The following OPN5 variants were observed in gnomAD, a reference collection of about 807,000 sequenced individuals.
OPN5 encodes opsin 5, also known as opsin-5.
OPN5 carries 18 observed loss-of-function variants against 41.7 expected under a neutral mutation model. That is an observed-to-expected ratio of 0.43 (90% CI 0.30 to 0.64). The LOEUF (loss-of-function observed/expected upper bound fraction) is 0.64, where lower values mean the gene tolerates loss of function less well. Among genes scored for constraint, OPN5 ranks in the 30% least tolerant of loss-of-function variants. The pLI is 0.13. For synonymous variants in OPN5, 178 were observed against 164.3 expected (o/e 1.08, Z -0.64); for missense variants, 318 against 434.5 (o/e 0.73, Z 2.38).
chr6:47,808,687 A>G (rs1774073496), intron 5 of OPN5, among the ~76,000 whole-genome samples: 1 of 152,202 alleles, frequency 6.6e-6, no homozygotes, highest in Admixed American at 6.5e-5. Context: ...TGGCTCGTAC[A>G]TTGCATATCT....
intron 4 of OPN5, among the ~76,000 whole-genome samples, chr6:47,804,347 G>T (rs369194806): frequency 3.9e-5 from 6 of 152,248 alleles, no homozygotes; most frequent in African/African-American, 1.4e-4. Context: ...AAGTTGATGG[G>T]TACAGGAGCC....
At chr6:47,804,147 T>C (rs1484546538) in intron 4 of OPN5, among the ~76,000 whole-genome samples, 1 of 152,180 alleles carries the variant, frequency 6.6e-6, no homozygotes. Flanking sequence ...TGGTCCTCTG[T>C]AGCATGATGT....
At chr6:47,823,061 A>G (rs2114019344) in intron 6 of OPN5, among the ~76,000 whole-genome samples, 1 of 152,340 alleles carries the variant, frequency 6.6e-6, no homozygotes, top group South Asian at 2.1e-4. Context: ...CTTGTTGAAA[A>G]GAACATAGCT....
chr6:47,822,707 A>G (rs915878109), intron 6 of OPN5, among the ~76,000 whole-genome samples: 1 of 152,184 alleles, frequency 6.6e-6, no homozygotes, highest in African/African-American at 2.4e-5. Flanking sequence ...GTGTAGTTCC[A>G]TGATGGAGTC....
intron 4 of OPN5, among the ~76,000 whole-genome samples, chr6:47,796,908 T>G (rs1831230): frequency 0.15 from 22,376 of 152,252 alleles, 1,761 homozygotes; most frequent in Middle Eastern, 0.17. Context: ...TCCACATGGC[T>G]GAGGAGGCCT....
chr6:47,795,789 C>CG (rs1773548578), intron 4 of OPN5, among the ~76,000 whole-genome samples: 13 of 151,096 alleles, frequency 8.6e-5, no homozygotes, highest in Admixed American at 8.6e-4. Flanking sequence ...CACACACACA[C>CG]ACACACACAC....
chr6:47,790,923 A>G (rs1257878076), intron 2 of OPN5, among the ~76,000 whole-genome samples: 2 of 152,212 alleles, frequency 1.3e-5, no homozygotes, highest in African/African-American at 2.4e-5. Flanking sequence ...TCCTAGAAGG[A>G]TGCAGCTTCC....
intron 4 of OPN5, among the ~76,000 whole-genome samples, chr6:47,795,918 C>G (rs182642146): frequency 8.5e-5 from 13 of 152,226 alleles, no homozygotes; most frequent in African/African-American, 3.1e-4. Flanking sequence ...ATAAGAATAA[C>G]TTTTATGAAT....
intron 6 of OPN5, among the ~76,000 whole-genome samples, chr6:47,822,884 C>T (rs1762675082): frequency 6.6e-6 from 1 of 152,224 alleles, no homozygotes; most frequent in South Asian, 2.1e-4. Flanking sequence ...GTCTTCACAA[C>T]TCCACAAGCT....
intron 6 of OPN5, 150 bp from the exon 7 acceptor site, chr6:47,823,833 G>C: frequency 1.5e-6 from 1 of 687,968 alleles, no homozygotes; most frequent in Non-Finnish European, 2.7e-6. Flanking sequence ...GTGGGTTCGG[G>C]GAGAAGCCAT....
At position 47,806,280 on chromosome 6, in the gene OPN5, GT is replaced by G. The variant is rs374144179; in HGVS notation, c.757-1873del. On this transcript the variant is annotated intron_variant, in intron 4 of 6. Coordinates refer to ENST00000371211, the Ensembl canonical transcript of OPN5. ...AAGGAATATCCTAGTAGATAACATT[GT>G]GTAAGGATACTTTGAAGTTAGTGTA... Among the ~76,000 whole-genome samples the G allele has an allele frequency of 3.7e-3, 565 of 152,262 alleles. 6 individuals carry two copies. Among genetic ancestry groups the G allele is most frequent in the Middle Eastern group, 0.017 (5 of 294 alleles).
chr6:47,811,776 T>A (rs767293303), intron 6 of OPN5, 45 bp downstream of exon 6: 9 of 1,265,458 alleles, frequency 7.1e-6, no homozygotes, highest in Non-Finnish European at 9.2e-6. Context: ...CGTATTCACT[T>A]ATTTGCCTCT....
At chr6:47,814,453 C>T (rs756908679) in intron 6 of OPN5, among the ~76,000 whole-genome samples, 4 of 152,008 alleles carry the variant, frequency 2.6e-5, no homozygotes, top group African/African-American at 4.8e-5. Context: ...TTTAAATTGT[C>T]GGAGCTTTGG....
At chr6:47,790,094 A>G (rs1048224739) in intron 2 of OPN5, among the ~76,000 whole-genome samples, 19 of 152,208 alleles carry the variant, frequency 1.2e-4, no homozygotes, top group Admixed American at 9.2e-4. Context: ...TGAAATAGCT[A>G]TACCGTATTT....
intron 6 of OPN5, chr6:47,823,582 G>A (rs539783695): frequency 4.1e-6 from 1 of 241,264 alleles, no homozygotes; most frequent in Non-Finnish European, 8.0e-6. Flanking sequence ...AAATGAAAAG[G>A]AAGGGTATAT....
intron 6 of OPN5, among the ~76,000 whole-genome samples, chr6:47,813,244 C>T (rs73473742): frequency 0.14 from 20,932 of 152,116 alleles, 1,505 homozygotes; most frequent in Middle Eastern, 0.16. Context: ...TGTGAGAGCA[C>T]GTGGCACGTC....
intron 6 of OPN5, among the ~76,000 whole-genome samples, chr6:47,815,769 C>T (rs1335035767): frequency 6.6e-6 from 1 of 152,034 alleles, no homozygotes; most frequent in Non-Finnish European, 1.5e-5. Context: ...TTAGTGGATG[C>T]CATATTGCAA....
At chr6:47,792,235 G>T (rs1773396714) in intron 3 of OPN5, among the ~76,000 whole-genome samples, 1 of 152,190 alleles carries the variant, frequency 6.6e-6, no homozygotes, top group African/African-American at 2.4e-5. Flanking sequence ...TTCTTGTATA[G>T]TGTGTAAGCT....
chr6:47,810,030 T>C (rs549556588), intron 5 of OPN5, among the ~76,000 whole-genome samples: 28 of 152,224 alleles, frequency 1.8e-4, no homozygotes, highest in African/African-American at 6.7e-4. Flanking sequence ...TACTCAACAA[T>C]GGGAAGAGGG....
Sources: gnomAD v4.1 joint callset for allele counts (sites outside exome capture counted in the v4.1 genomes callset) on GRCh38, gnomAD v4.1.1 for gene constraint, MANE v1.5 for transcripts, NCBI Gene and HGNC (gene_info 2026-07-23, HGNC 2026-07-21) for gene names.